LIPC: variants seen among roughly 807,000 people sequenced by gnomAD.
LIPC encodes hepatic triacylglycerol lipase.
LIPC carries 44 observed loss-of-function variants against 50.7 expected under a neutral mutation model. That is an observed-to-expected ratio of 0.87 (90% confidence interval 0.68 to 1.11). The LOEUF (loss-of-function observed/expected upper bound fraction) is 1.11. Ranked by LOEUF, LIPC falls within the 50% of genes most tolerant of loss-of-function variation. The pLI, the probability that LIPC is intolerant of heterozygous loss-of-function variation, is 0.00. For missense variants in LIPC, 697 were observed against 648.2 expected (o/e 1.08, Z -0.82); for synonymous variants, 271 against 256.4 (o/e 1.06, Z -0.54).
chr15:58,537,930 G>C (rs1022333234), intron 1 of LIPC, among the ~76,000 whole-genome samples: 11 of 152,210 alleles, frequency 7.2e-5, no homozygotes, highest in African/African-American at 2.7e-4. Flanking sequence ...TCTAGGTAGG[G>C]ATGTAGGGAT....
chr15:58,534,863 T>G (rs1280653848), intron 1 of LIPC, among the ~76,000 whole-genome samples: 2 of 152,276 alleles, frequency 1.3e-5, no homozygotes, highest in Admixed American at 1.3e-4. Context: ...TGTCCCAAGT[T>G]CTTCAACTAT....
At chr15:58,432,761 G>A (rs1893169022) in intron 1 of LIPC, among the ~76,000 whole-genome samples, 1 of 152,184 alleles carries the variant, frequency 6.6e-6, no homozygotes, top group Admixed American at 6.5e-5. Flanking sequence ...CCAGCTTCCA[G>A]GCTAAGCAGT....
intron 1 of LIPC, among the ~76,000 whole-genome samples, chr15:58,475,706 G>A (rs1890972549): frequency 6.6e-6 from 1 of 152,188 alleles, no homozygotes; most frequent in African/African-American, 2.4e-5. Context: ...CAGGCCTTGT[G>A]CAATGAATGG....
At chr15:58,506,057 G>A (rs1016739959) in intron 1 of LIPC, among the ~76,000 whole-genome samples, 9 of 152,086 alleles carry the variant, frequency 5.9e-5, no homozygotes, top group African/African-American at 9.6e-5. Flanking sequence ...GATGGCAGCC[G>A]CCCCTCCCCA....
chr15:58,446,332 G>A (rs1313503800), intron 1 of LIPC, among the ~76,000 whole-genome samples: 1 of 152,168 alleles, frequency 6.6e-6, no homozygotes, highest in Non-Finnish European at 1.5e-5. Flanking sequence ...CTCCTGAGTA[G>A]CTGGAATGAA....
chr15:58,553,844 G>C lies in LIPC; in HGVS notation c.1051+5272G>C, dbSNP rs971441929. Among the ~76,000 whole-genome samples the C allele has an allele frequency of 3.9e-5, 6 of 152,174 alleles. No homozygotes were observed. The East Asian group carries it at 1.2e-3, about 29-fold the overall frequency. The stretch of plus-strand genomic sequence containing the variant: ...GCCTTCTTTGGGCAGCAACACCCTG[G>C]ACAACACCATCCTGGGCCCCTCAAT... On this transcript the variant is annotated intron_variant, in intron 6 of 8. Transcript: ENST00000299022.
intron 1 of LIPC, among the ~76,000 whole-genome samples, chr15:58,470,597 C>CTTTTTTTTTT (rs5812936): frequency 1.5e-5 from 2 of 136,304 alleles, no homozygotes; most frequent in African/African-American, 2.7e-5. Context: ...CATTTAACTC[C>CTTTTTTTTTT]TTTTTTTTTT....
rs765258214 is a variant in LIPC at position 58,548,388 on chromosome 15, C to A, written c.867C>A (p.Ser289=). The A allele has an allele frequency of 9.9e-6, 16 of 1,614,160 alleles. No homozygotes were observed. In the South Asian group the frequency reaches 1.8e-4, roughly 18 times the overall value. The part of the protein sequence containing the change: ...HERSVHLFID[S]LLHAGTQSMA... ...GATCGGTGCACCTTTTCATCGACTC[C>A]TTGCTGCACGCCGGCACGCAGAGCA... Residue 289 remains serine (S), a synonymous_variant, in exon 6 of 9, where the codon TCC becomes TCA. Coordinates refer to ENST00000299022, the MANE Select transcript of LIPC (RefSeq NM_000236.3).
At chr15:58,434,041 G>A (rs1279895160) in intron 1 of LIPC, among the ~76,000 whole-genome samples, 2 of 151,988 alleles carry the variant, frequency 1.3e-5, no homozygotes, top group African/African-American at 4.8e-5. Flanking sequence ...TTGCCCTCCA[G>A]GGGACACTTG....
chr15:58,453,260 C>G (rs1893978588), intron 1 of LIPC, among the ~76,000 whole-genome samples: 1 of 152,152 alleles, frequency 6.6e-6, no homozygotes, highest in Non-Finnish European at 1.5e-5. Context: ...AGGTCAGTCT[C>G]TCTCCAAAAC....
chr15:58,549,470 C>T (rs1324749181), intron 6 of LIPC, among the ~76,000 whole-genome samples: 1 of 152,178 alleles, frequency 6.6e-6, no homozygotes, highest in Non-Finnish European at 1.5e-5. Context: ...GCCATCAGCT[C>T]CTTGTGGTTC....
intron 1 of LIPC, among the ~76,000 whole-genome samples, chr15:58,454,011 G>C (rs777579285): frequency 3.2e-4 from 49 of 152,344 alleles, no homozygotes; most frequent in Non-Finnish European, 5.3e-4. Context: ...TGACCCCACA[G>C]TGATTCTGTG....
At chr15:58,457,900 G>C (rs746816506) in intron 1 of LIPC, among the ~76,000 whole-genome samples, 1 of 152,158 alleles carries the variant, frequency 6.6e-6, no homozygotes, top group Non-Finnish European at 1.5e-5. Flanking sequence ...TGGCTCTGCA[G>C]GCATTTTCTA....
intron 1 of LIPC, among the ~76,000 whole-genome samples, chr15:58,477,086 C>T (rs1440380129): frequency 6.6e-6 from 1 of 152,168 alleles, no homozygotes; most frequent in Non-Finnish European, 1.5e-5. Flanking sequence ...TAGGCGGCCA[C>T]ATTTTTCTTT....
At chr15:58,524,127 A>G (rs1892734225) in intron 1 of LIPC, among the ~76,000 whole-genome samples, 1 of 152,088 alleles carries the variant, frequency 6.6e-6, no homozygotes, top group African/African-American at 2.4e-5. Flanking sequence ...TCGTTCCAAC[A>G]TAACCTTACG....
At chr15:58,528,515 C>T (rs1482371453) in intron 1 of LIPC, among the ~76,000 whole-genome samples, 2 of 151,624 alleles carry the variant, frequency 1.3e-5, no homozygotes, top group Non-Finnish European at 2.9e-5. Context: ...AGCTCGGTGC[C>T]TTTTTTTTTC....
chr15:58,547,500 C>A (rs185142764), intron 5 of LIPC, among the ~76,000 whole-genome samples: 1 of 152,292 alleles, frequency 6.6e-6, no homozygotes, highest in East Asian at 1.9e-4. Flanking sequence ...AGCCTCCAGA[C>A]AACTGGGGAA....
chr15:58,565,868 G>A, intron 8 of LIPC: 1 of 981,908 alleles, frequency 1.0e-6, no homozygotes, highest in South Asian at 4.7e-5. Flanking sequence ...TAAATACCGA[G>A]TGCCTCCTCT....
chr15:58,551,944 A>G (rs1194265959), intron 6 of LIPC, among the ~76,000 whole-genome samples: 1 of 152,240 alleles, frequency 6.6e-6, no homozygotes, highest in East Asian at 1.9e-4. Context: ...AAACACTGCG[A>G]GAGTACAGCA....
Sources: gnomAD v4.1 joint callset for allele counts (sites outside exome capture counted in the v4.1 genomes callset) on GRCh38, gnomAD v4.1.1 for gene constraint, MANE v1.5 for transcripts, NCBI Gene and HGNC (gene_info 2026-07-23, HGNC 2026-07-21) for gene names.